The following PIK3AP1 variants were observed in gnomAD, a reference collection of about 807,000 sequenced individuals.
PIK3AP1 encodes phosphoinositide-3-kinase adaptor protein 1, also known as phosphoinositide 3-kinase adapter protein 1.
In PIK3AP1, 21 loss-of-function variants were observed where a neutral mutation model predicts 88.1. That is an observed-to-expected ratio of 0.24 (90% CI 0.17 to 0.34). PIK3AP1 has a LOEUF of 0.34. Ranked by LOEUF, PIK3AP1 falls within the 10% of genes least tolerant of loss-of-function variation. The pLI is 1.00. For synonymous variants in PIK3AP1, 398 were observed against 400.0 expected, an observed-to-expected ratio of 1.00 and a Z score of 0.06; for missense variants, 828 against 1,035.7, an observed-to-expected ratio of 0.80 and a Z score of 2.75.
intron 8 of PIK3AP1, chr10:96,632,847 C>T: frequency 6.2e-7 from 1 of 1,604,920 alleles, no homozygotes; most frequent in South Asian, 1.1e-5. Flanking sequence ...CAGTCCAACA[C>T]CAACCAGTAT....
intron 14 of PIK3AP1, among the ~76,000 whole-genome samples, chr10:96,606,155 T>A (rs11594403): frequency 0.1 from 15,407 of 152,182 alleles, 898 homozygotes; most frequent in Non-Finnish European, 0.14. Context: ...CACAACACTG[T>A]TCAAGGACCA....
rs1848724561 is a variant in PIK3AP1, at chr10:96,594,539, G to C, written c.*1038C>G. ...CCACGGACACAGAACCCATGGATTTGAAAGGCTGACTGTATTTCTATTTTA... is the reference window on the plus strand; with the variant it reads ...CCACGGACACAGAACCCATGGATTTCAAAGGCTGACTGTATTTCTATTTTA... On this transcript the variant is annotated 3_prime_UTR_variant, in exon 17 of 17. Coordinates refer to ENST00000339364, the MANE Select transcript of PIK3AP1 (RefSeq NM_152309.3). The surrounding 1 kb of genome is among the most constrained non-coding windows in gnomAD (Gnocchi z 4.6). 1 of 152,074 alleles carries C rather than the reference G, an allele frequency of 6.6e-6. No homozygotes were observed. Among genetic ancestry groups the C allele is most frequent in the South Asian group, 2.1e-4 (1 of 4,828 alleles). 9.4% of individuals were successfully genotyped at this position (152,074 alleles called of 1,614,324 possible).
At chr10:96,672,956 G>C (rs1475086596) in intron 2 of PIK3AP1, among the ~76,000 whole-genome samples, 3 of 152,156 alleles carry the variant, frequency 2.0e-5, no homozygotes, top group African/African-American at 2.4e-5. Flanking sequence ...TCTCCATTTT[G>C]CAGATGGAAA....
At chr10:96,620,694 G>A in intron 11 of PIK3AP1, 137 bp from the exon 12 acceptor site, 2 of 687,754 alleles carry the variant, frequency 2.9e-6, no homozygotes, top group East Asian at 2.7e-5. Context: ...CAAGAAGGGG[G>A]AGATACAACA....
At chr10:96,625,404 C>T (rs1843141328) in intron 10 of PIK3AP1, among the ~76,000 whole-genome samples, 1 of 152,120 alleles carries the variant, frequency 6.6e-6, no homozygotes, top group South Asian at 2.1e-4. Context: ...GCTGCTCATG[C>T]CAAGGAGATA....
chr10:96,628,881 T>TACATATAG (rs150595125), intron 8 of PIK3AP1, among the ~76,000 whole-genome samples: 2 of 88,752 alleles, frequency 2.3e-5, no homozygotes, highest in Non-Finnish European at 4.4e-5. Context: ...TACACATATA[T>TACATATAG]ATATATACAT....
In PIK3AP1 at chr10:96,652,783, T is replaced by C. The variant is rs758817978; in HGVS notation, c.627A>G (p.Glu209=). Residue 209 remains glutamate, a synonymous_variant, in exon 4 of 17, where the codon GAA becomes GAG. Coordinates refer to ENST00000339364, the MANE Select transcript of PIK3AP1 (RefSeq NM_152309.3). ...GAGAATCCTCAGGAGAAAACTCTGC[T>C]TCTGTCGCCACCCTGTCATCCAGCT... ...RCKLDDRVAT[E]AEFSPEDSPS... is the part of the protein sequence containing the mutation. 1 of 1,614,136 alleles carries C rather than the reference T, an allele frequency of 6.2e-7. No homozygotes were observed. The highest frequency in any genetic ancestry group is 1.1e-5 in the South Asian group (1 of 91,072).
intron 13 of PIK3AP1, 21 bp from the exon 14 acceptor site, chr10:96,609,888 G>T (rs768786019): frequency 1.2e-6 from 2 of 1,613,300 alleles, no homozygotes; most frequent in South Asian, 1.1e-5. Context: ...AGGAAAGAGG[G>T]ATAAGCTGTC....
chr10:96,637,432 C>T (rs528942349), intron 8 of PIK3AP1, among the ~76,000 whole-genome samples: 4 of 152,092 alleles, frequency 2.6e-5, no homozygotes, highest in East Asian at 1.9e-4. Flanking sequence ...GGTGCAATCA[C>T]GGCCCACTGC....
intron 11 of PIK3AP1, chr10:96,620,953 C>A (rs1348841730): frequency 5.5e-6 from 1 of 181,282 alleles, no homozygotes; most frequent in South Asian, 1.2e-4. Flanking sequence ...TCAGTGAATT[C>A]CTGGTAGGGA....
chr10:96,655,658 G>A (rs1843605224), intron 3 of PIK3AP1, among the ~76,000 whole-genome samples: 1 of 152,086 alleles, frequency 6.6e-6, no homozygotes, highest in African/African-American at 2.4e-5. Context: ...TGGGGGGGCG[G>A]GTCTTTCCTG....
chr10:96,720,419 T>C lies in PIK3AP1; in HGVS notation c.-25A>G. The C allele has an allele frequency of 8.1e-7, 1 of 1,232,816 alleles. No homozygotes were observed. The highest frequency in any genetic ancestry group is 1.0e-6 in the Non-Finnish European group (1 of 984,672). 76.4% of individuals were successfully genotyped at this position (1,232,816 alleles called of 1,614,324 possible). A position where few individuals can be genotyped will look rare whatever the true frequency, so the allele number is the denominator to read the frequency against. On this transcript the variant is annotated 5_prime_UTR_variant, in exon 1 of 17. Transcript: ENST00000339364. The surrounding 1 kb of genome is among the most constrained non-coding windows in gnomAD (Gnocchi z 4.6). ...TGCCGCGGGGCGCCGCTCACATCCC[T>C]GGCTCGCTGCGTGCCCGGGGCCGGG...
chr10:96,620,430 G>C lies in PIK3AP1; in HGVS notation c.1863C>G (p.Asn621Lys). Reference sequence around the variant, plus strand: ...TGAAGTGGAGCACAGCCTCATCCACGTTGACAATGCCCAGCTTCACCTGCT... The same window carrying C: ...TGAAGTGGAGCACAGCCTCATCCACCTTGACAATGCCCAGCTTCACCTGCT... ...LQEQVKLGIVNVDEAVLHFKE... is the reference protein window; with the variant it reads ...LQEQVKLGIVKVDEAVLHFKE... Residue 621 changes from asparagine to lysine, a missense_variant, in exon 12 of 17, where the codon AAC (asparagine) becomes AAG (lysine). Physicochemically the swap from Asn to Lys is moderately conservative, Grantham distance 94. Transcript: ENST00000339364. The C allele has an allele frequency of 6.2e-7, 1 of 1,614,176 alleles. No individual in the cohort carries two copies. The highest frequency in any genetic ancestry group is 8.5e-7 in the Non-Finnish European group (1 of 1,180,024).
chr10:96,656,439 T>G lies in PIK3AP1; in HGVS notation c.567+359A>C, dbSNP rs189927499. 2.3e-3 allele frequency among the ~76,000 whole-genome samples: 343 copies of G among 152,314 alleles called. 1 individual carries two copies. Among genetic ancestry groups the G allele is most frequent in the African/African-American group, 7.8e-3 (325 of 41,572 alleles). On this transcript the variant is annotated intron_variant, in intron 3 of 16. Transcript: ENST00000339364. ...AAGCTGTCAGATGCCCAAGATGCAT[T>G]TCCTTCCTCCCAGCACTAGGCTACC...
At chr10:96,697,064 C>A (rs955515469) in intron 2 of PIK3AP1, among the ~76,000 whole-genome samples, 4 of 152,170 alleles carry the variant, frequency 2.6e-5, no homozygotes, top group African/African-American at 9.7e-5. Flanking sequence ...GGTGGCTCAA[C>A]CAGTTTCTGT....
chr10:96,704,512 G>A (rs1490365814), intron 2 of PIK3AP1, among the ~76,000 whole-genome samples: 1 of 152,112 alleles, frequency 6.6e-6, no homozygotes, highest in Non-Finnish European at 1.5e-5. Context: ...GAGGTCAGGA[G>A]TTCAAGACCA....
intron 2 of PIK3AP1, among the ~76,000 whole-genome samples, chr10:96,665,365 G>A (rs1843746769): frequency 6.6e-6 from 1 of 152,120 alleles, no homozygotes; most frequent in African/African-American, 2.4e-5. Context: ...AGCGAACATT[G>A]GTATATTTCA....
chr10:96,601,670 T>G (rs1589478420), intron 16 of PIK3AP1, among the ~76,000 whole-genome samples: 1 of 152,172 alleles, frequency 6.6e-6, no homozygotes, highest in East Asian at 1.9e-4. Flanking sequence ...AAAGGCACTG[T>G]CCCTACAGTC....
intron 1 of PIK3AP1, among the ~76,000 whole-genome samples, chr10:96,710,898 C>T (rs1220004664): frequency 1.3e-5 from 2 of 152,132 alleles, no homozygotes; most frequent in African/African-American, 4.8e-5. Context: ...ATAGAAAACC[C>T]TCAGGAATTG....
Sources: gnomAD v4.1 joint callset for allele counts (sites outside exome capture counted in the v4.1 genomes callset) on GRCh38, gnomAD v4.1.1 for gene constraint, Gnocchi (gnomAD v3.1) non-coding constraint, MANE v1.5 for transcripts, NCBI Gene and HGNC (gene_info 2026-07-23, HGNC 2026-07-21) for gene names.